SMURF2: variants seen among roughly 807,000 people sequenced by gnomAD.
SMURF2 encodes E3 ubiquitin-protein ligase SMURF2.
In SMURF2, 48 loss-of-function variants were observed where a neutral mutation model predicts 109.6. That is an observed-to-expected ratio of 0.44 (90% CI 0.35 to 0.56). The LOEUF is 0.56. SMURF2 is among the 20% of genes least tolerant of loss of function. SMURF2 has a pLI of 0.01. For missense variants in SMURF2, 575 were observed against 909.0 expected (o/e 0.63, Z 4.72); for synonymous variants, 288 against 317.1 (o/e 0.91, Z 0.97).
intron 10 of SMURF2, among the ~76,000 whole-genome samples, chr17:64,568,872 C>T (rs746258384): frequency 4.6e-5 from 7 of 151,500 alleles, no homozygotes; most frequent in East Asian, 1.9e-4. Flanking sequence ...CGTGGTGGTG[C>T]GCGCCTGTAG....
chr17:64,582,212 T>C (rs1218282211), intron 7 of SMURF2, among the ~76,000 whole-genome samples: 1 of 152,168 alleles, frequency 6.6e-6, no homozygotes, highest in Non-Finnish European at 1.5e-5. Context: ...AGAATTATAA[T>C]GTAAAAGAGA....
chr17:64,608,599 T>C (rs1014063913), intron 1 of SMURF2, among the ~76,000 whole-genome samples: 1 of 152,162 alleles, frequency 6.6e-6, no homozygotes, highest in African/African-American at 2.4e-5. Flanking sequence ...TTTAATGAGG[T>C]AATGATGATT....
At chr17:64,661,706 T>A in intron 1 of SMURF2, 123 bp downstream of exon 1, 3 of 597,968 alleles carry the variant, frequency 5.0e-6, no homozygotes, top group Non-Finnish European at 6.9e-6. Flanking sequence ...AACTAGGCCT[T>A]CCCATTCCTC....
intron 1 of SMURF2, among the ~76,000 whole-genome samples, chr17:64,660,003 A>G (rs1160115419): frequency 6.6e-6 from 1 of 152,202 alleles, no homozygotes; most frequent in Non-Finnish European, 1.5e-5. Context: ...CAAAATCACT[A>G]TAAATGTAGT....
At chr17:64,553,680 G>A (rs1969077889) in intron 15 of SMURF2, among the ~76,000 whole-genome samples, 1 of 152,194 alleles carries the variant, frequency 6.6e-6, no homozygotes, top group Middle Eastern at 3.4e-3. Flanking sequence ...TTTTAGTAGT[G>A]TAACTTTTTT....
At chr17:64,582,486 A>G (rs1306645893) in intron 7 of SMURF2, among the ~76,000 whole-genome samples, 8 of 152,234 alleles carry the variant, frequency 5.3e-5, no homozygotes, top group Non-Finnish European at 1.0e-4. Flanking sequence ...TTGCATCCCA[A>G]TGTCTTTATA....
intron 1 of SMURF2, among the ~76,000 whole-genome samples, chr17:64,634,630 G>GT (rs1970391265): frequency 1.3e-5 from 2 of 152,126 alleles, no homozygotes; most frequent in African/African-American, 2.4e-5. Context: ...TTTCCCTGAA[G>GT]TTTTTTTATA....
At chr17:64,643,365 T>C (rs1220524197) in intron 1 of SMURF2, among the ~76,000 whole-genome samples, 2 of 152,192 alleles carry the variant, frequency 1.3e-5, no homozygotes, top group South Asian at 2.1e-4. Context: ...ATGAGAATTA[T>C]GCTAAAGTAG....
At chr17:64,659,920 C>T (rs1044625212) in intron 1 of SMURF2, among the ~76,000 whole-genome samples, 2 of 152,232 alleles carry the variant, frequency 1.3e-5, no homozygotes, top group African/African-American at 4.8e-5. Context: ...TTGTAAGAAA[C>T]TCAGAGTACC....
At chr17:64,646,143 T>C (rs1598314114) in intron 1 of SMURF2, among the ~76,000 whole-genome samples, 1 of 151,796 alleles carries the variant, frequency 6.6e-6, no homozygotes, top group South Asian at 2.1e-4. Context: ...CTCAGCTCAC[T>C]GCAACCTCCA....
chr17:64,610,612 T>C (rs1430377874), intron 1 of SMURF2, among the ~76,000 whole-genome samples: 2 of 151,982 alleles, frequency 1.3e-5, no homozygotes, highest in East Asian at 1.9e-4. Context: ...TGTTGGCGGG[T>C]TGGGGGTTAG....
chr17:64,656,780 A>T (rs990925979), intron 1 of SMURF2, among the ~76,000 whole-genome samples: 5 of 152,224 alleles, frequency 3.3e-5, no homozygotes, highest in Non-Finnish European at 5.9e-5. Flanking sequence ...GTTGCTGTTG[A>T]ATCTGCTTAA....
chr17:64,608,043 A>AATCAATC (rs1568193558), intron 1 of SMURF2, among the ~76,000 whole-genome samples: 103 of 148,926 alleles, frequency 6.9e-4, no homozygotes, highest in African/African-American at 2.3e-3. Flanking sequence ...ATAAATAAAT[A>AATCAATC]AATCTGCTTA....
chr17:64,642,253 G>A (rs1456042891), intron 1 of SMURF2, among the ~76,000 whole-genome samples: 1 of 152,198 alleles, frequency 6.6e-6, no homozygotes, highest in Non-Finnish European at 1.5e-5. Context: ...AAGGGATCTG[G>A]AAAAGCTATG....
rs981126701 is a variant in SMURF2 at position 64,542,492 on chromosome 17, T to A, written c.*3356A>T. On this transcript the variant is annotated 3_prime_UTR_variant, in exon 19 of 19. Coordinates refer to ENST00000262435, the MANE Select transcript of SMURF2 (RefSeq NM_022739.4). The stretch of plus-strand genomic sequence containing the variant: ...ATACAATGAAAATGATAAAACTTTG[T>A]TTTTAAAGTCAGTCTGAGAGAAGAA... The A allele has an allele frequency of 6.6e-6, 1 of 152,172 alleles. No individual in the cohort carries two copies. The highest frequency in any genetic ancestry group is 6.5e-5 in the Admixed American group (1 of 15,276). The allele number at this position is 152,172 out of a possible 1,614,324, so 9.4% of individuals were successfully genotyped here.
chr17:64,572,224 T>C (rs1555685630), intron 9 of SMURF2, among the ~76,000 whole-genome samples: 4 of 152,246 alleles, frequency 2.6e-5, no homozygotes. Context: ...TTTAAATTAA[T>C]ATAAAATCAA....
intron 1 of SMURF2, among the ~76,000 whole-genome samples, chr17:64,643,388 A>C (rs1970515405): frequency 6.6e-6 from 1 of 152,176 alleles, no homozygotes; most frequent in Admixed American, 6.6e-5. Flanking sequence ...CAGGAGAATA[A>C]ATAAGGGTGT....
chr17:64,562,730 GA>G (rs553006457), intron 11 of SMURF2, 40 bp downstream of exon 11: 156 of 1,532,352 alleles, frequency 1.0e-4, no homozygotes, highest in Admixed American at 3.4e-4. Context: ...TGGGTTTCTG[GA>G]AAAAAAAATA....
At chr17:64,617,271 A>G (rs1555690193) in intron 1 of SMURF2, among the ~76,000 whole-genome samples, 2 of 152,204 alleles carry the variant, frequency 1.3e-5, no homozygotes, top group East Asian at 3.9e-4. Context: ...TTGTCATTTA[A>G]TGAAGGAATT....
Sources: gnomAD v4.1 joint callset for allele counts (sites outside exome capture counted in the v4.1 genomes callset) on GRCh38, gnomAD v4.1.1 for gene constraint, MANE v1.5 for transcripts, NCBI Gene and HGNC (gene_info 2026-07-23, HGNC 2026-07-21) for gene names.